The following PEMT variants were observed in gnomAD, a reference collection of about 807,000 sequenced individuals.
The protein encoded by PEMT is phosphatidylethanolamine N-methyltransferase.
A neutral mutation model predicts 27.4 loss-of-function variants in PEMT; 23 were observed. The observed-to-expected ratio is 0.84, with a 90% CI of 0.60 to 1.19. The LOEUF (loss-of-function observed/expected upper bound fraction) is 1.19. PEMT is among the 50% of genes most tolerant of loss of function. PEMT has a pLI of 0.00. For missense variants in PEMT, 307 were observed against 310.1 expected (o/e 0.99, Z 0.07); for synonymous variants, 137 against 139.1 (o/e 0.98, Z 0.11).
At position 17,561,966 on chromosome 17, in the gene PEMT, C is replaced by T. The variant is rs1531098; in HGVS notation, c.204+14954G>A. 0.19 allele frequency among the ~76,000 whole-genome samples: 28,941 copies of T among 152,232 alleles called. 3,574 individuals are homozygous for T. The highest frequency in any genetic ancestry group is 0.37 in the South Asian group (1,809 of 4,828). On this transcript the variant is annotated intron_variant, in intron 2 of 6. Transcript: ENST00000255389. The surrounding 1 kb of genome is among the most constrained non-coding windows in gnomAD (Gnocchi z 4.5). The stretch of plus-strand genomic sequence containing the variant: ...GGGCATGTGAGGGCACCCCAGGCTC[C>T]GGTGGGAGGGGCCTCAGGACCGGAT...
chr17:17,576,475 C>T (rs1443383997), intron 2 of PEMT, among the ~76,000 whole-genome samples: 2 of 152,198 alleles, frequency 1.3e-5, no homozygotes, highest in African/African-American at 4.8e-5. Context: ...GGAAAAATAA[C>T]CATGTTTGTG....
chr17:17,545,589 C>T (rs993065622), intron 2 of PEMT, among the ~76,000 whole-genome samples: 1 of 152,238 alleles, frequency 6.6e-6, no homozygotes, highest in African/African-American at 2.4e-5. Context: ...ACACCAGAGA[C>T]GGCCTCCTCT....
chr17:17,583,061 CAAA>C (rs1293433045), intron 1 of PEMT, among the ~76,000 whole-genome samples: 5 of 101,808 alleles, frequency 4.9e-5, no homozygotes, highest in East Asian at 2.9e-4. Context: ...GACTCCATCT[CAAA>C]AAAAAAAAAA....
At chr17:17,547,464 A>G (rs1486662644) in intron 2 of PEMT, among the ~76,000 whole-genome samples, 1 of 152,242 alleles carries the variant, frequency 6.6e-6, no homozygotes, top group Non-Finnish European at 1.5e-5. Flanking sequence ...AATAACCTGG[A>G]GCGAGGGCAG....
intron 5 of PEMT, 169 bp from the exon 6 acceptor site, chr17:17,506,470 T>C (rs1292462415): frequency 8.8e-6 from 5 of 571,204 alleles, no homozygotes; most frequent in Non-Finnish European, 1.6e-5. Flanking sequence ...GTCTGGCTTT[T>C]GTGCCAGGAC....
At position 17,590,293 on chromosome 17, in the gene PEMT, C is replaced by T. The variant is rs541248141; in HGVS notation, c.96+1238G>A. Among the ~76,000 whole-genome samples the T allele has an allele frequency of 3.3e-5, 5 of 152,316 alleles. No homozygotes were observed. The South Asian group carries it at 8.3e-4, about 25-fold the overall frequency. ...AGCACCCATCTGGCCAACGGTCCTG[C>T]GCTCCCTCAGGGCCAGCGGCCCATC... On this transcript the variant is annotated intron_variant, in intron 1 of 6. Coordinates refer to ENST00000255389, the MANE Select transcript of PEMT (RefSeq NM_148172.3).
At chr17:17,564,630 C>G (rs924294023) in intron 2 of PEMT, among the ~76,000 whole-genome samples, 2 of 152,174 alleles carry the variant, frequency 1.3e-5, no homozygotes, top group Non-Finnish European at 2.9e-5. Flanking sequence ...TTGGAAACTC[C>G]AGCTAAGTCC....
intron 1 of PEMT, among the ~76,000 whole-genome samples, chr17:17,583,010 C>T (rs565500359): frequency 8.3e-4 from 125 of 150,992 alleles, no homozygotes; most frequent in African/African-American, 2.8e-3. Context: ...TGCAGTGAGC[C>T]GAGATCATGC....
At chr17:17,507,067 G>A (rs943160192) in intron 5 of PEMT, 11 of 1,112,984 alleles carry the variant, frequency 9.9e-6, no homozygotes, top group African/African-American at 7.8e-5. Flanking sequence ...AGTAAGCAGC[G>A]GCAGCTCGTC....
At chr17:17,574,967 G>A (rs775681642) in intron 2 of PEMT, among the ~76,000 whole-genome samples, 7 of 152,236 alleles carry the variant, frequency 4.6e-5, no homozygotes, top group East Asian at 1.9e-4. Flanking sequence ...GGCCCACAAC[G>A]TCTTCCAGCA....
chr17:17,572,106 C>A (rs1336479006), intron 2 of PEMT, among the ~76,000 whole-genome samples: 6 of 152,208 alleles, frequency 3.9e-5, no homozygotes, highest in Admixed American at 1.3e-4. Flanking sequence ...CAGCCAACGG[C>A]CTTGCCTCCC....
intron 2 of PEMT, among the ~76,000 whole-genome samples, chr17:17,525,869 C>A (rs1020430607): frequency 6.6e-6 from 1 of 152,146 alleles, no homozygotes; most frequent in East Asian, 1.9e-4. Flanking sequence ...TGGTGTGCAC[C>A]TGTAGTCCCA....
rs759765878 is a variant in PEMT at position 17,591,580 on chromosome 17, A to G, written c.47T>C (p.Val16Ala). ...NPGAEVTNSS[V>A]AGPDCCGGLG... is the part of the protein sequence containing the mutation. The stretch of plus-strand genomic sequence containing the variant: ...GCCTCCGCAGCAGTCAGGCCCTGCC[A>G]CCGAGCTGTTCGTTACCTCGGCTCC... Residue 16 changes from valine to alanine, a missense_variant, in exon 1 of 7, where the codon GTG becomes GCG. Physicochemically the swap from Val to Ala is moderately conservative, Grantham distance 64. Transcript: ENST00000255389. 2.5e-6 allele frequency: 4 copies of G among 1,613,576 alleles called. No individual in the cohort carries two copies. The Admixed American group carries it at 6.7e-5, about 27-fold the overall frequency.
intron 2 of PEMT, among the ~76,000 whole-genome samples, chr17:17,571,091 C>G (rs746498839): frequency 6.6e-6 from 1 of 152,184 alleles, no homozygotes; most frequent in Non-Finnish European, 1.5e-5. Flanking sequence ...GTCAGTCCCT[C>G]TGTGACACCT....
chr17:17,521,605 C>T (rs1460247850), intron 3 of PEMT, among the ~76,000 whole-genome samples: 1 of 152,134 alleles, frequency 6.6e-6, no homozygotes, highest in East Asian at 1.9e-4. Context: ...GCTCTGTTGC[C>T]CCAGGCTGGA....
At chr17:17,570,884 G>A (rs894411780) in intron 2 of PEMT, 1 of 985,258 alleles carries the variant, frequency 1.0e-6, no homozygotes, top group Non-Finnish European at 1.2e-6. Context: ...AGAAGAGGGA[G>A]TCCATCCTGG....
intron 2 of PEMT, among the ~76,000 whole-genome samples, chr17:17,565,802 G>C (rs757130775): frequency 6.6e-6 from 1 of 152,280 alleles, no homozygotes; most frequent in South Asian, 2.1e-4. Flanking sequence ...GAGGCCATGA[G>C]AATTTTCTAG....
chr17:17,506,341 G>A (rs1302897382), intron 5 of PEMT, 40 bp from the exon 6 acceptor site: 12 of 1,455,430 alleles, frequency 8.2e-6, no homozygotes, highest in East Asian at 7.4e-5. Context: ...CTGGAGCCAG[G>A]GTCTCTCAGG....
At chr17:17,590,185 T>TA (rs1294203705) in intron 1 of PEMT, among the ~76,000 whole-genome samples, 1 of 152,048 alleles carries the variant, frequency 6.6e-6, no homozygotes, top group Non-Finnish European at 1.5e-5. Flanking sequence ...GCTGTAGGGG[T>TA]AGGACCCATC....
Sources: allele counts gnomAD v4.1 joint callset (sites outside exome capture counted in the v4.1 genomes callset), GRCh38; gene constraint gnomAD v4.1.1; non-coding constraint Gnocchi (gnomAD v3.1); transcripts MANE v1.5; gene names NCBI Gene and HGNC (gene_info 2026-07-23, HGNC 2026-07-21).